The following LARGE1 variants were observed in gnomAD, a reference collection of about 807,000 sequenced individuals.
LARGE1 encodes the protein xylosyl- and glucuronyltransferase LARGE1.
In LARGE1, 43 loss-of-function variants were observed where a neutral mutation model predicts 87.6. The ratio of observed to expected loss-of-function variants is 0.49; its 90% CI spans 0.38 to 0.63. The LOEUF is 0.63. Among genes scored for constraint, LARGE1 ranks in the 30% least tolerant of loss-of-function variants. The probability of loss-of-function intolerance (pLI) is 0.00; values close to 1 mark genes in which losing one functional copy is unlikely to be tolerated. For synonymous variants in LARGE1, 434 were observed against 394.6 expected (o/e 1.10, Z -1.18); for missense variants, 802 against 1,000.2 (o/e 0.80, Z 2.67).
chr22:33,876,710 C>A (rs2064478453), intron 1 of LARGE1, among the ~76,000 whole-genome samples: 5 of 151,894 alleles, frequency 3.3e-5, no homozygotes, highest in African/African-American at 1.2e-4. Flanking sequence ...GCATGCAGGG[C>A]TTAACACCTA....
chr22:33,483,300 G>T (rs548329775), intron 6 of LARGE1, among the ~76,000 whole-genome samples: 1 of 152,220 alleles, frequency 6.6e-6, no homozygotes, highest in East Asian at 1.9e-4. Flanking sequence ...AGAGAGGAAG[G>T]TATTTTTACT....
intron 11 of LARGE1, among the ~76,000 whole-genome samples, chr22:33,199,165 C>A (rs1924240672): frequency 2.0e-5 from 3 of 149,910 alleles, no homozygotes; most frequent in Admixed American, 6.6e-5. Context: ...AAAAATATCT[C>A]TTTGTGTCCT....
intron 7 of LARGE1, among the ~76,000 whole-genome samples, chr22:33,424,894 T>C (rs926217006): frequency 6.6e-6 from 1 of 152,040 alleles, no homozygotes; most frequent in Admixed American, 6.6e-5. Context: ...GAGACAGTAT[T>C]AGAAGGTGGG....
intron 11 of LARGE1, among the ~76,000 whole-genome samples, chr22:33,184,088 C>CTATATATA (rs144013990): frequency 0.013 from 1,385 of 105,254 alleles, 113 homozygotes; most frequent in African/African-American, 0.043. Context: ...AATCAGTACA[C>CTATATATA]TATATATATA....
chr22:33,698,737 C>T (rs1424283907), intron 2 of LARGE1, among the ~76,000 whole-genome samples: 2 of 152,182 alleles, frequency 1.3e-5, no homozygotes, highest in African/African-American at 2.4e-5. Flanking sequence ...GCTGATCTTC[C>T]AACAAGACAA....
intron 11 of LARGE1, among the ~76,000 whole-genome samples, chr22:33,259,496 C>CA (rs1163767212): frequency 2.6e-5 from 4 of 152,020 alleles, no homozygotes; most frequent in Admixed American, 2.6e-4. Context: ...TGTATGTGCA[C>CA]AGTACGCGTG....
chr22:33,108,362 C>A, the LARGE1 span, among the ~76,000 whole-genome samples: 1 of 152,190 alleles, frequency 6.6e-6, no homozygotes, highest in Non-Finnish European at 1.5e-5. Context: ...GTGATTACAG[C>A]TCAAGTTAGT....
intron 11 of LARGE1, among the ~76,000 whole-genome samples, chr22:33,265,483 T>C (rs1370859214): frequency 6.6e-6 from 1 of 152,150 alleles, no homozygotes; most frequent in African/African-American, 2.4e-5. Context: ...GTTAGAATAA[T>C]TTTTTCCTTA....
intron 3 of LARGE1, among the ~76,000 whole-genome samples, chr22:33,638,321 A>G (rs1475438953): frequency 1.3e-5 from 2 of 152,250 alleles, no homozygotes; most frequent in South Asian, 4.1e-4. Flanking sequence ...ACGCCCCACT[A>G]AGCTAATAAA....
At chr22:33,606,477 T>C (rs1190895842) in intron 4 of LARGE1, among the ~76,000 whole-genome samples, 4 of 150,512 alleles carry the variant, frequency 2.7e-5, no homozygotes, top group Non-Finnish European at 4.4e-5. Flanking sequence ...TTCAGGGAGG[T>C]GTGGGGGGCA....
chr22:33,324,125 G>T (rs923857669), intron 10 of LARGE1, among the ~76,000 whole-genome samples: 5 of 149,780 alleles, frequency 3.3e-5, no homozygotes, highest in African/African-American at 1.2e-4. Flanking sequence ...CCATCTACTC[G>T]GGAGGCTAAG....
chr22:33,864,880 T>C (rs147938997), intron 1 of LARGE1, among the ~76,000 whole-genome samples: 91 of 152,332 alleles, frequency 6.0e-4, no homozygotes, highest in African/African-American at 2.1e-3. Context: ...TGATGTGGCC[T>C]TATCCTGCAG....
Position 33,743,383 on chromosome 22 carries a change from C to T in LARGE1, c.106+17988G>A, listed in dbSNP as rs1365538855. On this transcript the variant is annotated intron_variant, in intron 2 of 14. Coordinates refer to ENST00000397394, the MANE Select transcript of LARGE1 (RefSeq NM_133642.5). ...ACTCGTCCCACACAGCTCTTCCCAC[C>T]GACCTCTCTGCCAGTATCCATTTGC... Among the ~76,000 whole-genome samples, 4 of 152,252 alleles carry T rather than the reference C, an allele frequency of 2.6e-5. No homozygotes were observed. The South Asian group carries it at 6.2e-4, about 24-fold the overall frequency.
intron 6 of LARGE1, among the ~76,000 whole-genome samples, chr22:33,541,078 G>GGGGGTGGGGGGGGGGGGGGGGT (rs1569252354): frequency 1.6e-5 from 1 of 62,202 alleles, no homozygotes; most frequent in Non-Finnish European, 3.4e-5. Flanking sequence ...CGGGGGGCGG[G>GGGGGTGGGGGGGGGGGGGGGGT]TTGCAGGGGG....
At chr22:33,861,654 C>T (rs1373603869) in intron 1 of LARGE1, 1 of 152,264 alleles carries the variant, frequency 6.6e-6, no homozygotes, top group East Asian at 1.9e-4. Context: ...CATTTGGTGC[C>T]ACTCCTCAGT....
chr22:33,278,435 T>C (rs1929752367), intron 13 of LARGE1, among the ~76,000 whole-genome samples: 3 of 152,188 alleles, frequency 2.0e-5, no homozygotes. Context: ...GCTGCTATGT[T>C]TGTGGTAATT....
chr22:33,137,452 G>A, the LARGE1 span: 1 of 152,212 alleles, frequency 6.6e-6, no homozygotes, highest in Non-Finnish European at 1.5e-5. Flanking sequence ...GAGCATAAGA[G>A]TTCAGAAAAT....
At chr22:33,143,771 A>G in the LARGE1 span, among the ~76,000 whole-genome samples, 9 of 152,186 alleles carry the variant, frequency 5.9e-5, no homozygotes, top group African/African-American at 2.2e-4. Context: ...TATAGAATTA[A>G]TATCAAATCA....
intron 5 of LARGE1, among the ~76,000 whole-genome samples, chr22:33,591,115 C>A (rs749271129): frequency 6.6e-6 from 1 of 152,192 alleles, no homozygotes; most frequent in African/African-American, 2.4e-5. Flanking sequence ...GCAGAAGAAT[C>A]GCTTGAACCC....
Sources: gnomAD v4.1 joint callset for allele counts (sites outside exome capture counted in the v4.1 genomes callset) on GRCh38, gnomAD v4.1.1 for gene constraint, MANE v1.5 for transcripts, NCBI Gene and HGNC (gene_info 2026-07-23, HGNC 2026-07-21) for gene names.